TIMMDC1: variants seen among roughly 807,000 people sequenced by gnomAD.
TIMMDC1 encodes complex I assembly factor TIMMDC1, mitochondrial.
A neutral mutation model predicts 32.6 loss-of-function variants in TIMMDC1; 25 were observed. The ratio of observed to expected loss-of-function variants is 0.77; its 90% CI spans 0.56 to 1.07. TIMMDC1 has a LOEUF of 1.07. Ranked by LOEUF, TIMMDC1 falls within the 50% of genes least tolerant of loss-of-function variation. The probability of loss-of-function intolerance (pLI) is 0.00; values close to 1 mark genes in which losing one functional copy is unlikely to be tolerated. For synonymous variants in TIMMDC1, 130 were observed against 127.6 expected (o/e 1.02, Z -0.13); for missense variants, 329 against 349.2 (o/e 0.94, Z 0.46).
intron 2 of TIMMDC1, among the ~76,000 whole-genome samples, chr3:119,501,609 A>G (rs2081876653): frequency 6.6e-6 from 1 of 152,246 alleles, no homozygotes. Context: ...AAAGACCTGT[A>G]AATTTTGCTA....
chr3:119,500,662 A>G, intron 1 of TIMMDC1, 33 bp from the exon 2 acceptor site: 1 of 1,596,448 alleles, frequency 6.3e-7, no homozygotes, highest in Non-Finnish European at 8.5e-7. Context: ...CCATAAACTA[A>G]TCCCAAACAA....
chr3:119,503,732 T>C, intron 3 of TIMMDC1, 112 bp downstream of exon 3: 1 of 865,656 alleles, frequency 1.2e-6, no homozygotes, highest in Non-Finnish European at 1.7e-6. Flanking sequence ...AAGTGATTAA[T>C]AATGCCTTTT....
intron 4 of TIMMDC1, among the ~76,000 whole-genome samples, chr3:119,508,583 A>G (rs2081933312): frequency 6.6e-6 from 1 of 152,248 alleles, no homozygotes; most frequent in African/African-American, 2.4e-5. Context: ...AAGAAAGCCC[A>G]AGTGCTACCT....
intron 4 of TIMMDC1, among the ~76,000 whole-genome samples, chr3:119,511,887 AAAT>A (rs1399122490): frequency 2.0e-5 from 3 of 152,248 alleles, no homozygotes; most frequent in Admixed American, 2.0e-4. Context: ...AAATTGGAAA[AAAT>A]AAACTAAGAG....
chr3:119,514,431 A>G, intron 5 of TIMMDC1, among the ~76,000 whole-genome samples: 1 of 152,228 alleles, frequency 6.6e-6, no homozygotes, highest in East Asian at 1.9e-4. Flanking sequence ...ATACTCTTCC[A>G]TGAAATCATA....
intron 1 of TIMMDC1, among the ~76,000 whole-genome samples, chr3:119,499,349 C>T (rs2081851306): frequency 6.6e-6 from 1 of 151,854 alleles, no homozygotes; most frequent in South Asian, 2.1e-4. Context: ...ATCCGCCTAC[C>T]TCGGCCTCCC....
chr3:119,522,623 C>T (rs1288957867), intron 6 of TIMMDC1, among the ~76,000 whole-genome samples: 1 of 152,140 alleles, frequency 6.6e-6, no homozygotes, highest in African/African-American at 2.4e-5. Context: ...GCTAATTACC[C>T]TGATTTGATC....
At chr3:119,509,303 T>C (rs1057050187) in intron 4 of TIMMDC1, among the ~76,000 whole-genome samples, 2 of 152,188 alleles carry the variant, frequency 1.3e-5, no homozygotes, top group South Asian at 2.1e-4. Flanking sequence ...CAAAGACTTA[T>C]ATATAAATTT....
chr3:119,498,690 G>T lies in TIMMDC1; in HGVS notation c.-44G>T, dbSNP rs781570244. 1 of 1,589,516 alleles carries T rather than the reference G, an allele frequency of 6.3e-7. No homozygotes were observed. Among genetic ancestry groups the T allele is most frequent in the Admixed American group, 1.7e-5 (1 of 59,156 alleles). ...TCCCGCGGCACGTCCGCGAGGACTT[G>T]AAGTCCTGAGCGCTCAAGTTTGTCC... is the stretch of plus-strand genomic sequence containing the variant. On this transcript the variant is annotated 5_prime_UTR_variant, in exon 1 of 7. It removes the in-frame stop codon of an upstream open reading frame in the 5' UTR. Transcript: ENST00000494664.
At chr3:119,519,029 A>C (rs1050359148) in intron 6 of TIMMDC1, among the ~76,000 whole-genome samples, 2 of 152,250 alleles carry the variant, frequency 1.3e-5, no homozygotes, top group Non-Finnish European at 2.9e-5. Flanking sequence ...CCTTATAAGA[A>C]ATGCTTAAAG....
chr3:119,520,480 A>G (rs1328423178), intron 6 of TIMMDC1, among the ~76,000 whole-genome samples: 3 of 152,204 alleles, frequency 2.0e-5, no homozygotes, highest in African/African-American at 7.2e-5. Context: ...AAATTGGAAA[A>G]GCTACAGGAA....
chr3:119,509,686 AT>A (rs35042893), intron 4 of TIMMDC1, among the ~76,000 whole-genome samples: 26,843 of 139,228 alleles, frequency 0.19, 4,014 homozygotes, highest in African/African-American at 0.45. Flanking sequence ...ATGCAACTAA[AT>A]TTTTTTTTTT....
chr3:119,509,811 G>T (rs371924229), intron 4 of TIMMDC1, among the ~76,000 whole-genome samples: 16 of 151,312 alleles, frequency 1.1e-4, no homozygotes, highest in Non-Finnish European at 2.1e-4. Context: ...TCAGCCTCCT[G>T]AGTAGCTGGG....
chr3:119,512,786 G>A (rs941648214), intron 4 of TIMMDC1, among the ~76,000 whole-genome samples: 4 of 152,204 alleles, frequency 2.6e-5, no homozygotes, highest in African/African-American at 9.6e-5. Context: ...TTCCGCTGAG[G>A]CTAGAGTGCA....
intron 4 of TIMMDC1, among the ~76,000 whole-genome samples, chr3:119,509,842 T>C (rs1333844795): frequency 2.6e-5 from 4 of 152,038 alleles, no homozygotes; most frequent in Non-Finnish European, 5.9e-5. Context: ...TATGCCACCA[T>C]ACCCGGCTAA....
intron 4 of TIMMDC1, among the ~76,000 whole-genome samples, chr3:119,510,493 A>G (rs563719513): frequency 2.2e-4 from 34 of 152,196 alleles, no homozygotes; most frequent in Non-Finnish European, 4.6e-4. Flanking sequence ...TAGCAAAGAC[A>G]TTTCAGCAAA....
Position 119,524,058 on chromosome 3 carries a change from A to G in TIMMDC1, c.*302A>G, listed in dbSNP as rs914161960. 2 of 198,898 alleles carry G rather than the reference A, an allele frequency of 1.0e-5. No homozygotes were observed. Among genetic ancestry groups the G allele is most frequent in the African/African-American group, 4.6e-5 (2 of 43,226 alleles). The allele number at this position is 198,898 out of a possible 1,614,324, so 12.3% of individuals were successfully genotyped here. On this transcript the variant is annotated 3_prime_UTR_variant, in exon 7 of 7. Transcript: ENST00000494664. ...AAGCAGTAAATAAAACATTTCGCAA[A>G]AGATTAAAGTTGAATTTTACAGTTC...
At chr3:119,509,008 C>A (rs1467925412) in intron 4 of TIMMDC1, among the ~76,000 whole-genome samples, 1 of 152,088 alleles carries the variant, frequency 6.6e-6, no homozygotes, top group African/African-American at 2.4e-5. Flanking sequence ...GAGTTTGAGA[C>A]CAGCCTGGCC....
intron 4 of TIMMDC1, among the ~76,000 whole-genome samples, chr3:119,510,344 G>T (rs1206189251): frequency 1.3e-5 from 2 of 151,916 alleles, no homozygotes; most frequent in African/African-American, 4.8e-5. Context: ...AATAAAAATG[G>T]GGAAACAGTT....
Sources: gnomAD v4.1 joint callset for allele counts (sites outside exome capture counted in the v4.1 genomes callset) on GRCh38, gnomAD v4.1.1 for gene constraint, MANE v1.5 for transcripts, NCBI Gene and HGNC (gene_info 2026-07-23, HGNC 2026-07-21) for gene names.